The following EML4 variants were observed in gnomAD, a reference collection of about 807,000 sequenced individuals.
The protein encoded by EML4 is echinoderm microtubule-associated protein-like 4.
A neutral mutation model predicts 129.0 loss-of-function variants in EML4; 72 were observed. The ratio of observed to expected loss-of-function variants is 0.56; its 90% confidence interval spans 0.46 to 0.68. EML4 has a LOEUF of 0.68. EML4 is among the 30% of genes least tolerant of loss of function. The probability of loss-of-function intolerance (pLI) is 0.00; values close to 1 mark genes in which losing one functional copy is unlikely to be tolerated. For synonymous variants in EML4, 532 were observed against 405.0 expected (o/e 1.31, Z -3.77); for missense variants, 1,363 against 1,190.6 (o/e 1.14, Z -2.13).
At position 42,301,298 on chromosome 2, in the gene EML4, G is replaced by C; in HGVS notation, c.1547G>C (p.Cys516Ser). 1 of 1,613,324 alleles carries C rather than the reference G, an allele frequency of 6.2e-7. No individual in the cohort carries two copies. Among genetic ancestry groups the C allele is most frequent in the Non-Finnish European group, 8.5e-7 (1 of 1,179,612 alleles). ...KAHDGSVFTLCQMRNGMLLTG... is the reference protein window; with the variant it reads ...KAHDGSVFTLSQMRNGMLLTG... Reference sequence around the variant, plus strand: ...CATGATGGCAGTGTGTTCACACTTTGTCAGATGAGAAATGGGATGTTATTA... The same window carrying C: ...CATGATGGCAGTGTGTTCACACTTTCTCAGATGAGAAATGGGATGTTATTA... Residue 516 changes from cysteine to serine, a missense_variant, in exon 14 of 23, where the codon TGT (cysteine) becomes TCT (serine). Transcript: ENST00000318522.
chr2:42,291,553 G>T (rs1351371907), intron 11 of EML4, among the ~76,000 whole-genome samples: 1 of 151,926 alleles, frequency 6.6e-6, no homozygotes, highest in East Asian at 1.9e-4. Context: ...ACAGGCGTGT[G>T]CCACCATGCC....
At chr2:42,246,964 T>C (rs950316962) in intron 2 of EML4, among the ~76,000 whole-genome samples, 1 of 152,206 alleles carries the variant, frequency 6.6e-6, no homozygotes, top group Admixed American at 6.5e-5. Context: ...CAATTAAGAA[T>C]AATTGTAGAA....
chr2:42,267,052 G>C (rs1666102620), intron 6 of EML4, among the ~76,000 whole-genome samples: 2 of 152,202 alleles, frequency 1.3e-5, no homozygotes, highest in Non-Finnish European at 2.9e-5. Flanking sequence ...AGTCCAGAGA[G>C]TGGTTTTACC....
chr2:42,177,839 G>A (rs1232132290), intron 1 of EML4, among the ~76,000 whole-genome samples: 2 of 152,040 alleles, frequency 1.3e-5, no homozygotes, highest in African/African-American at 2.4e-5. Flanking sequence ...GAGGAGAAGA[G>A]GAAGAGATAA....
At chr2:42,301,031 A>G (rs1382881699) in intron 13 of EML4, among the ~76,000 whole-genome samples, 1 of 152,194 alleles carries the variant, frequency 6.6e-6, no homozygotes, top group Non-Finnish European at 1.5e-5. Flanking sequence ...TTCAGAGTAA[A>G]TAAATATTGA....
chr2:42,216,474 G>A (rs144895295), intron 1 of EML4, among the ~76,000 whole-genome samples: 10 of 151,556 alleles, frequency 6.6e-5, no homozygotes, highest in Admixed American at 1.3e-4. Flanking sequence ...AACTCCTGAC[G>A]TCGTGATCCA....
At chr2:42,260,945 T>C (rs999736307) in intron 3 of EML4, among the ~76,000 whole-genome samples, 176 bp from the exon 4 acceptor site, 1 of 152,218 alleles carries the variant, frequency 6.6e-6, no homozygotes, top group African/African-American at 2.4e-5. Flanking sequence ...TTACTGAAGA[T>C]GTTAATAGCT....
intron 1 of EML4, among the ~76,000 whole-genome samples, chr2:42,221,689 C>T (rs941078216): frequency 9.9e-5 from 15 of 151,814 alleles, no homozygotes; most frequent in African/African-American, 3.1e-4. Context: ...TCACAGCCTC[C>T]GCCTCCTGGG....
At chr2:42,328,778 G>T in intron 21 of EML4, 108 bp from the exon 22 acceptor site, 1 of 857,556 alleles carries the variant, frequency 1.2e-6, no homozygotes, top group South Asian at 2.3e-5. Context: ...CTAAGAGTTT[G>T]AACATAGATA....
At chr2:42,279,649 T>C (rs1228017336) in intron 6 of EML4, among the ~76,000 whole-genome samples, 6 of 151,952 alleles carry the variant, frequency 3.9e-5, no homozygotes, top group Admixed American at 2.6e-4. Flanking sequence ...TATTTTTTCA[T>C]ATTTGTAGTA....
At position 42,169,572 on chromosome 2, in the gene EML4, C is replaced by T. The variant is rs777315236; in HGVS notation, c.-40C>T. 6.3e-7 allele frequency: 1 copy of T among 1,593,004 alleles called. No homozygotes were observed. The highest frequency in any genetic ancestry group is 8.5e-7 in the Non-Finnish European group (1 of 1,173,026). Reference sequence around the variant, plus strand: ...TCTGTCGGTCCGCTGAATGAAGTGCCCGCCCCTCTAAGCCCGGAGCCCGGC... The same window carrying T: ...TCTGTCGGTCCGCTGAATGAAGTGCTCGCCCCTCTAAGCCCGGAGCCCGGC... On this transcript the variant is annotated 5_prime_UTR_variant, in exon 1 of 23. Transcript: ENST00000318522.
At chr2:42,190,498 A>G (rs1468963121) in intron 1 of EML4, among the ~76,000 whole-genome samples, 1 of 152,224 alleles carries the variant, frequency 6.6e-6, no homozygotes, top group Non-Finnish European at 1.5e-5. Context: ...ACTTGGTAGT[A>G]CTATTTAGTG....
intron 9 of EML4, chr2:42,286,046 A>G (rs774789394): frequency 1.7e-6 from 1 of 597,356 alleles, no homozygotes; most frequent in Non-Finnish European, 3.0e-6. Flanking sequence ...TTAGAATAGT[A>G]TGTGTAACAT....
chr2:42,211,236 GA>G lies in EML4; in HGVS notation c.26-34261del, dbSNP rs376572321. 3.2e-3 allele frequency among the ~76,000 whole-genome samples: 481 copies of G among 152,098 alleles called. 3 individuals are homozygous for G. The highest frequency in any genetic ancestry group is 4.8e-3 in the South Asian group (23 of 4,818). ...CTTTGTTAAGTCTGTAAGCATGGCT[GA>G]AAAAAAATCACATACTCCTGTGTGT... On this transcript the variant is annotated intron_variant, in intron 1 of 22. Coordinates refer to ENST00000318522, the MANE Select transcript of EML4 (RefSeq NM_019063.5).
intron 17 of EML4, among the ~76,000 whole-genome samples, chr2:42,305,761 T>C: frequency 6.6e-6 from 1 of 152,246 alleles, no homozygotes; most frequent in Admixed American, 6.5e-5. Flanking sequence ...TGTGGAATGC[T>C]GATTTTTAAT....
chr2:42,236,064 C>G (rs1260222292), intron 1 of EML4, among the ~76,000 whole-genome samples: 1 of 152,098 alleles, frequency 6.6e-6, no homozygotes, highest in East Asian at 1.9e-4. Context: ...ACTGTCCTAT[C>G]CTCTGTCATA....
intron 1 of EML4, among the ~76,000 whole-genome samples, chr2:42,215,502 TC>T (rs1289550533): frequency 2.0e-5 from 3 of 152,110 alleles, no homozygotes; most frequent in South Asian, 2.1e-4. Flanking sequence ...TGTGTTGGCC[TC>T]AGACTAGATT....
intron 1 of EML4, among the ~76,000 whole-genome samples, chr2:42,188,492 G>T (rs1166172703): frequency 6.6e-6 from 1 of 152,076 alleles, no homozygotes; most frequent in Non-Finnish European, 1.5e-5. Flanking sequence ...AAAGTGCTGG[G>T]ATTACAGGCC....
chr2:42,280,804 A>G (rs373902566), intron 6 of EML4, 46 bp from the exon 7 acceptor site: 13 of 1,489,654 alleles, frequency 8.7e-6, no homozygotes, highest in South Asian at 8.6e-5. Flanking sequence ...TTGTATGACT[A>G]TACAGAAAAT....
Sources: gnomAD v4.1 joint callset for allele counts (sites outside exome capture counted in the v4.1 genomes callset) on GRCh38, gnomAD v4.1.1 for gene constraint, MANE v1.5 for transcripts, NCBI Gene and HGNC (gene_info 2026-07-23, HGNC 2026-07-21) for gene names.